GATA4: variants seen among roughly 807,000 people sequenced by gnomAD.
GATA4 encodes the protein GATA binding protein 4.
A neutral mutation model predicts 37.9 loss-of-function variants in GATA4; 7 were observed. The observed-to-expected ratio is 0.18, with a 90% CI of 0.11 to 0.35. GATA4 has a LOEUF of 0.35. GATA4 is among the 10% of genes least tolerant of loss of function. The pLI is 1.00. For missense variants in GATA4, 647 were observed against 653.0 expected (o/e 0.99, Z 0.10); for synonymous variants, 372 against 292.6 (o/e 1.27, Z -2.77).
intron 2 of GATA4, among the ~76,000 whole-genome samples, chr8:11,726,420 A>C (rs1800927310): frequency 6.6e-6 from 1 of 152,218 alleles, no homozygotes; most frequent in African/African-American, 2.4e-5. Flanking sequence ...CAAAGGTAGT[A>C]ACACGGGAAC....
intron 2 of GATA4, among the ~76,000 whole-genome samples, chr8:11,724,495 C>G (rs1333367580): frequency 2.0e-5 from 3 of 152,200 alleles, no homozygotes; most frequent in Non-Finnish European, 2.9e-5. Context: ...TCTTCATTTT[C>G]TGTATGTCAT....
At chr8:11,734,591 A>G (rs563397053) in intron 2 of GATA4, among the ~76,000 whole-genome samples, 1 of 152,236 alleles carries the variant, frequency 6.6e-6, no homozygotes, top group East Asian at 1.9e-4. Context: ...GGTTCAGGCA[A>G]TTCTCCTGCC....
intron 2 of GATA4, among the ~76,000 whole-genome samples, chr8:11,726,376 G>C (rs1440490808): frequency 6.6e-6 from 1 of 152,228 alleles, no homozygotes; most frequent in Non-Finnish European, 1.5e-5. Context: ...CAGGAAGCGA[G>C]AGAAGAGCGC....
chr8:11,752,559 C>T (rs536204937), intron 4 of GATA4, among the ~76,000 whole-genome samples: 4 of 152,270 alleles, frequency 2.6e-5, no homozygotes, highest in African/African-American at 7.2e-5. Flanking sequence ...AGGTCGGTCC[C>T]ACAACATGTG....
intron 2 of GATA4, among the ~76,000 whole-genome samples, chr8:11,719,808 A>T (rs988223355): frequency 2.0e-5 from 3 of 152,264 alleles, no homozygotes; most frequent in South Asian, 2.1e-4. Flanking sequence ...CAGAAATGAG[A>T]AATTGACCAG....
intron 2 of GATA4, among the ~76,000 whole-genome samples, chr8:11,746,561 G>C (rs1022622839): frequency 1.3e-5 from 2 of 152,212 alleles, no homozygotes; most frequent in Non-Finnish European, 2.9e-5. Context: ...CGTTGCCCGC[G>C]CCCGCCTCTT....
rs1800010528 is a variant in GATA4, at chr8:11,708,631, C to T, written c.319C>T (p.Arg107Cys). 7.5e-7 allele frequency: 1 copy of T among 1,338,904 alleles called. No homozygotes were observed. The highest frequency in any genetic ancestry group is 9.6e-7 in the Non-Finnish European group (1 of 1,046,502). 82.9% of individuals were successfully genotyped at this position (1,338,904 alleles called of 1,614,324 possible). A position where few individuals can be genotyped will look rare whatever the true frequency, so the allele number is the denominator to read the frequency against. ...AAYTPPPVSPRFSFPGTTGSL... is the reference protein window; with the variant it reads ...AAYTPPPVSPCFSFPGTTGSL... ...TTACACCCCGCCGCCGGTGTCGCCG[C>T]GCTTCTCCTTCCCGGGGACCACCGG... is the stretch of plus-strand genomic sequence containing the variant. The change falls in exon 2 of 7, where the codon CGC becomes TGC. Residue 107 changes from arginine to cysteine, a missense_variant. Transcript: ENST00000532059. This position sits in a 1 kb window ranked among gnomAD's most constrained non-coding sequence, Gnocchi z 6.7.
rs986785573 is a variant in GATA4 at position 11,730,989 on chromosome 8, G to C, written c.617-17927G>C. The stretch of plus-strand genomic sequence containing the variant: ...TGCCTGGACGGCTCTGTCAGGGCGA[G>C]CTTCTCGGGCAGTCTTCCTTCCCTC... On this transcript the variant is annotated intron_variant, in intron 2 of 6. Coordinates refer to ENST00000532059, the MANE Select transcript of GATA4 (RefSeq NM_001308093.3). Among the ~76,000 whole-genome samples, 6 of 152,266 alleles carry C rather than the reference G, an allele frequency of 3.9e-5. No homozygotes were observed. The East Asian group carries it at 1.2e-3, about 29-fold the overall frequency.
chr8:11,685,914 G>A (rs1413296203), intron 1 of GATA4, among the ~76,000 whole-genome samples: 1 of 152,176 alleles, frequency 6.6e-6, no homozygotes, highest in East Asian at 1.9e-4. Flanking sequence ...AGGAAAGTCA[G>A]AGCTTTGTTG....
chr8:11,743,730 G>A (rs965782163), intron 2 of GATA4, among the ~76,000 whole-genome samples: 3 of 152,204 alleles, frequency 2.0e-5, no homozygotes, highest in African/African-American at 7.2e-5. Flanking sequence ...GGCTGCGTCA[G>A]TTCTTTGTAG....
At chr8:11,712,969 G>T (rs1800266382) in intron 2 of GATA4, among the ~76,000 whole-genome samples, 1 of 152,144 alleles carries the variant, frequency 6.6e-6, no homozygotes, top group South Asian at 2.1e-4. Context: ...TAATATATTT[G>T]TCACAATAGG....
At chr8:11,698,882 C>A (rs1799584912) in intron 1 of GATA4, among the ~76,000 whole-genome samples, 1 of 152,106 alleles carries the variant, frequency 6.6e-6, no homozygotes, top group African/African-American at 2.4e-5. Flanking sequence ...CAGATGAAGC[C>A]ACCAGGGAGA....
Position 11,708,374 on chromosome 8 carries a change from G to A in GATA4, c.62G>A (p.Gly21Asp). The A allele has an allele frequency of 6.4e-7, 1 of 1,555,636 alleles. No homozygotes were observed. Among genetic ancestry groups the A allele is most frequent in the Non-Finnish European group, 8.6e-7 (1 of 1,158,380 alleles). Reference protein sequence around the residue: ...HGPPPGAYEAGGPGAFMHGAG... With the variant: ...HGPPPGAYEADGPGAFMHGAG... ...CCGCCCCCCGGTGCCTACGAGGCGG[G>A]CGGCCCCGGCGCCTTCATGCACGGC... is the stretch of plus-strand genomic sequence containing the variant. Residue 21 changes from glycine (G) to aspartate (D), a missense_variant, in exon 2 of 7, where the codon GGC becomes GAC. Physicochemically the swap from Gly to Asp is moderately conservative, Grantham distance 94. This residue lies in a region of GATA4 where 379 missense variants were observed against 334.5 expected (regional missense o/e 1.13). Coordinates refer to ENST00000532059, the MANE Select transcript of GATA4 (RefSeq NM_001308093.3). This position sits in a 1 kb window ranked among gnomAD's most constrained non-coding sequence, Gnocchi z 6.7.
chr8:11,742,160 G>A (rs1801770201), intron 2 of GATA4, among the ~76,000 whole-genome samples: 1 of 152,094 alleles, frequency 6.6e-6, no homozygotes, highest in Non-Finnish European at 1.5e-5. Flanking sequence ...CTCCAGGGAG[G>A]AGCCGCTGGG....
chr8:11,717,465 G>A (rs1800486990), intron 2 of GATA4, among the ~76,000 whole-genome samples: 1 of 152,172 alleles, frequency 6.6e-6, no homozygotes, highest in African/African-American at 2.4e-5. Flanking sequence ...TGGAAAGAAA[G>A]CTGATACCCA....
chr8:11,681,050 C>T lies in GATA4; in HGVS notation c.-274+3987C>T, dbSNP rs942865315. The T allele has an allele frequency of 3.2e-6, 3 of 943,720 alleles. No individual in the cohort carries two copies. In the African/African-American group the frequency reaches 5.3e-5, roughly 17 times the overall value. 58.5% of individuals were successfully genotyped at this position (943,720 alleles called of 1,614,324 possible). ...CTGCAAAGCACAGATCTAATGCCTT[C>T]CTTCTCTGGCCGGATTTGGAGGGAC... On this transcript the variant is annotated intron_variant, in intron 1 of 6. Coordinates refer to the GATA4 transcript ENST00000528712.
At chr8:11,686,155 A>G (rs982863063) in intron 1 of GATA4, among the ~76,000 whole-genome samples, 1 of 151,818 alleles carries the variant, frequency 6.6e-6, no homozygotes, top group Non-Finnish European at 1.5e-5. Flanking sequence ...TCACAAAAGC[A>G]AGTAGAAGTG....
At chr8:11,703,519 G>A (rs73537869), upstream of GATA4, among the ~76,000 whole-genome samples, 6,146 of 152,272 alleles carry the variant, frequency 0.04, 336 homozygotes, top group African/African-American at 0.12. Flanking sequence ...GCAGAAAAAA[G>A]GGGGAAAGAT....
At chr8:11,714,622 G>A (rs1020783723) in intron 2 of GATA4, among the ~76,000 whole-genome samples, 1 of 152,178 alleles carries the variant, frequency 6.6e-6, no homozygotes, top group Non-Finnish European at 1.5e-5. Context: ...GTGTTGGGGT[G>A]GCCAGGGGTG....
Sources: allele counts gnomAD v4.1 joint callset (sites outside exome capture counted in the v4.1 genomes callset), GRCh38; gene constraint gnomAD v4.1.1; regional missense constraint gnomAD v4.1.1; non-coding constraint Gnocchi (gnomAD v3.1); transcripts MANE v1.5; gene names NCBI Gene and HGNC (gene_info 2026-07-23, HGNC 2026-07-21).